PTPRZ1: variants seen among roughly 807,000 people sequenced by gnomAD.
PTPRZ1 encodes the protein protein tyrosine phosphatase receptor type Z1.
Under a neutral mutation model 214.1 loss-of-function variants are expected in PTPRZ1, and 82 were observed. The observed-to-expected ratio is 0.38, with a 90% confidence interval of 0.32 to 0.46. The LOEUF (loss-of-function observed/expected upper bound fraction) is 0.46. PTPRZ1 is among the 20% of genes least tolerant of loss of function. The pLI is 1.00. For synonymous variants in PTPRZ1, 945 were observed against 987.9 expected (o/e 0.96, Z 0.81); for missense variants, 2,603 against 2,748.7 (o/e 0.95, Z 1.19).
intron 1 of PTPRZ1, among the ~76,000 whole-genome samples, chr7:121,927,467 A>T (rs1387052734): frequency 6.6e-6 from 1 of 152,128 alleles, no homozygotes; most frequent in Non-Finnish European, 1.5e-5. Flanking sequence ...TCTTTTGTCT[A>T]TCCCTTGCCC....
chr7:121,908,477 AT>A, intron 1 of PTPRZ1: 1 of 387,558 alleles, frequency 2.6e-6, no homozygotes, highest in Non-Finnish European at 5.0e-6. Context: ...TTTGTGTTAT[AT>A]TTTAGTTTCT....
chr7:122,039,488 G>A lies in PTPRZ1; in HGVS notation c.5537G>A (p.Ser1846Asn). 1 of 1,614,062 alleles carries A rather than the reference G, an allele frequency of 6.2e-7. No individual in the cohort carries two copies. The highest frequency in any genetic ancestry group is 8.5e-7 in the Non-Finnish European group (1 of 1,179,968). Residue 1846 changes from serine to asparagine, a missense_variant, in exon 20 of 30, where the codon AGT (serine) becomes AAT (asparagine). Around this residue, in one of 6 missense-constraint regions of PTPRZ1, gnomAD observed 1,913 missense variants for 1,914.3 expected, o/e 1.00. Transcript: ENST00000393386. ...GATCAGTACTGGCCTGCCGATGGGA[G>A]TGAGGAGTACGGGAACTTTCTGGTC... is the stretch of plus-strand genomic sequence containing the variant. ...KCDQYWPADG[S>N]EEYGNFLVTQ...
chr7:121,889,371 G>T (rs952669882), intron 1 of PTPRZ1, among the ~76,000 whole-genome samples: 18 of 152,118 alleles, frequency 1.2e-4, no homozygotes, highest in African/African-American at 4.3e-4. Flanking sequence ...TACTTTGGAA[G>T]GACTTCTTGC....
intron 15 of PTPRZ1, chr7:122,033,867 TA>T (rs1326804542): frequency 1.9e-6 from 1 of 531,806 alleles, no homozygotes; most frequent in African/African-American, 2.0e-5. Flanking sequence ...TATCTCCTTT[TA>T]AAAGTGTTAT....
intron 1 of PTPRZ1, among the ~76,000 whole-genome samples, chr7:121,875,101 AG>A (rs1794012834): frequency 1.3e-5 from 2 of 152,086 alleles, no homozygotes; most frequent in Non-Finnish European, 2.9e-5. Flanking sequence ...AAAATGGTCC[AG>A]TGGTTTTTAA....
In PTPRZ1 at chr7:122,012,963, C is replaced by T. The variant is rs538198950; in HGVS notation, c.3917C>T (p.Pro1306Leu). The part of the protein sequence containing the change: ...ANLEINQAHP[P>L]KGRHVFATPV... ...TTGGAGATTAACCAGGCCCATCCCC[C>T]AAAAGGAAGGCATGTATTTGCTACA... Residue 1306 changes from proline to leucine, a missense_variant, in exon 12 of 30, where the codon CCA becomes CTA. By Grantham distance (98) the Pro-to-Leu change is moderately conservative (BLOSUM62 -3). Transcript: ENST00000393386. The T allele has an allele frequency of 1.2e-6, 2 of 1,614,058 alleles. No individual in the cohort carries two copies. The highest frequency in any genetic ancestry group is 1.3e-5 in the African/African-American group (1 of 75,026).
intron 13 of PTPRZ1, among the ~76,000 whole-genome samples, chr7:122,020,166 G>A (rs1381507635): frequency 6.6e-6 from 1 of 151,812 alleles, no homozygotes. Context: ...ATATATTCTC[G>A]TGTTTTTTTC....
At chr7:121,899,051 A>G (rs1794884975) in intron 1 of PTPRZ1, among the ~76,000 whole-genome samples, 1 of 152,202 alleles carries the variant, frequency 6.6e-6, no homozygotes, top group South Asian at 2.1e-4. Context: ...AAATTTTTCC[A>G]TCACTGCTTT....
At chr7:121,922,689 C>T (rs1188604135) in intron 1 of PTPRZ1, among the ~76,000 whole-genome samples, 5 of 152,098 alleles carry the variant, frequency 3.3e-5, no homozygotes, top group Admixed American at 2.6e-4. Context: ...CACTATCAAC[C>T]GTTGTTTATC....
chr7:122,031,455 A>G lies in PTPRZ1; in HGVS notation c.5081-19A>G. 2 of 1,593,862 alleles carry G rather than the reference A, an allele frequency of 1.3e-6. No individual in the cohort carries two copies. The highest frequency in any genetic ancestry group is 1.7e-6 in the Non-Finnish European group (2 of 1,163,460). On this transcript the variant is annotated intron_variant, in intron 14 of 29. Coordinates refer to ENST00000393386, the MANE Select transcript of PTPRZ1 (RefSeq NM_002851.3). ...TCTGTTAAATTATGCTCTCTAACAC[A>G]ATTTTTTTATTCACGTAGATGATGT...
chr7:121,988,559 G>T (rs1489498415), intron 8 of PTPRZ1, among the ~76,000 whole-genome samples: 1 of 152,098 alleles, frequency 6.6e-6, no homozygotes, highest in Admixed American at 6.5e-5. Context: ...TTCTTGCCTT[G>T]CTTCAGGGGT....
chr7:122,030,305 A>C (rs1375826819), intron 14 of PTPRZ1, among the ~76,000 whole-genome samples: 1 of 152,024 alleles, frequency 6.6e-6, no homozygotes. Flanking sequence ...TAATAAAAGA[A>C]ATTACCAAAA....
At chr7:122,021,186 T>C (rs1047548633) in intron 13 of PTPRZ1, among the ~76,000 whole-genome samples, 3 of 152,194 alleles carry the variant, frequency 2.0e-5, no homozygotes, top group African/African-American at 7.2e-5. Flanking sequence ...TCTGTGTTAC[T>C]TTTCAAGTAT....
chr7:122,055,087 G>A lies in PTPRZ1; in HGVS notation c.6528G>A (p.Gln2176=). 1 of 1,552,446 alleles carries A rather than the reference G, an allele frequency of 6.4e-7. No homozygotes were observed. The highest frequency in any genetic ancestry group is 8.8e-7 in the Non-Finnish European group (1 of 1,142,676). The change falls in exon 27 of 30, where the codon CAG becomes CAA. Residue 2176 remains glutamine, a splice_region_variant and synonymous_variant. Coordinates refer to ENST00000393386, the MANE Select transcript of PTPRZ1 (RefSeq NM_002851.3). ...IIQDFILEAT[Q]DDYVLEVRHF... ...AGGACTTTATCTTAGAAGCTACACA[G>A]GTAAGGATATAAGTTAAATGACAAA...
chr7:121,909,647 G>A (rs574043899), intron 1 of PTPRZ1, among the ~76,000 whole-genome samples: 40 of 152,034 alleles, frequency 2.6e-4, no homozygotes, highest in Admixed American at 3.9e-4. Flanking sequence ...TAATGATAAC[G>A]TTGAATACCT....
intron 10 of PTPRZ1, among the ~76,000 whole-genome samples, chr7:121,998,276 A>G (rs1325862848): frequency 6.6e-6 from 1 of 152,172 alleles, no homozygotes; most frequent in Non-Finnish European, 1.5e-5. Flanking sequence ...CATTGTAATA[A>G]TCATTAAATG....
intron 10 of PTPRZ1, 64 bp downstream of exon 10, chr7:121,998,070 G>A (rs1798201132): frequency 2.0e-6 from 3 of 1,487,828 alleles, no homozygotes; most frequent in African/African-American, 1.4e-5. Context: ...ATTACTGTAT[G>A]CATTGATGCT....
At chr7:121,937,486 T>C (rs1242120639) in intron 2 of PTPRZ1, among the ~76,000 whole-genome samples, 1 of 151,874 alleles carries the variant, frequency 6.6e-6, no homozygotes. Flanking sequence ...AATGCCTACA[T>C]GCTTTGTCCT....
Position 122,011,150 on chromosome 7 carries a change from G to C in PTPRZ1, c.2104G>C (p.Gly702Arg). The C allele has an allele frequency of 2.5e-6, 4 of 1,613,998 alleles. No individual in the cohort carries two copies. The highest frequency in any genetic ancestry group is 3.4e-6 in the Non-Finnish European group (4 of 1,179,976). ...SFSAGPVMSQ[G>R]PSVTDLEMPH... is the part of the protein sequence containing the mutation. ...TTCTGCAGGCCCAGTGATGTCACAG[G>C]GTCCCTCAGTTACAGATCTGGAAAT... Residue 702 changes from glycine to arginine, a missense_variant, in exon 12 of 30, where the codon GGT becomes CGT. Gly to Arg is a moderately radical substitution (Grantham distance 125). This residue lies in a region of PTPRZ1 where 1,913 missense variants were observed against 1,914.3 expected (regional missense o/e 1.00). Transcript: ENST00000393386.
Sources: allele counts gnomAD v4.1 joint callset (sites outside exome capture counted in the v4.1 genomes callset), GRCh38; gene constraint gnomAD v4.1.1; regional missense constraint gnomAD v4.1.1; transcripts MANE v1.5; gene names NCBI Gene and HGNC (gene_info 2026-07-23, HGNC 2026-07-21).